Variants in SWAP70 observed in about 807,000 individuals in gnomAD.
SWAP70 encodes switching B cell complex subunit SWAP70, also known as switch-associated protein 70.
In SWAP70, 34 loss-of-function variants were observed where a neutral mutation model predicts 80.2. The observed-to-expected ratio is 0.42, with a 90% CI of 0.32 to 0.56. The LOEUF (loss-of-function observed/expected upper bound fraction) is 0.56. SWAP70 is among the 20% of genes least tolerant of loss of function. The probability of loss-of-function intolerance (pLI) is 0.09; values close to 1 mark genes in which losing one functional copy is unlikely to be tolerated. For missense variants in SWAP70, 578 were observed against 690.7 expected, an observed-to-expected ratio of 0.84 and a Z score of 1.83; for synonymous variants, 239 against 238.5, an observed-to-expected ratio of 1.00 and a Z score of -0.02.
chr11:9,668,125 G>A (rs1257491010), intron 1 of SWAP70, among the ~76,000 whole-genome samples: 1 of 152,168 alleles, frequency 6.6e-6, no homozygotes, highest in Non-Finnish European at 1.5e-5. Flanking sequence ...CTGACCTCAG[G>A]TGATCCACCC....
intron 3 of SWAP70, among the ~76,000 whole-genome samples, chr11:9,716,718 T>C (rs1851071035): frequency 6.6e-6 from 1 of 152,212 alleles, no homozygotes; most frequent in Non-Finnish European, 1.5e-5. Context: ...TTTGGGATTT[T>C]AGGTGGAACA....
At chr11:9,698,126 G>C (rs1387256861) in intron 2 of SWAP70, among the ~76,000 whole-genome samples, 2 of 123,888 alleles carry the variant, frequency 1.6e-5, no homozygotes, top group South Asian at 2.8e-4. Flanking sequence ...TTTGAGACCA[G>C]GTCTCGCTCT....
intron 1 of SWAP70, 122 bp downstream of exon 1, chr11:9,664,400 G>T: frequency 9.1e-7 from 1 of 1,094,426 alleles, no homozygotes; most frequent in South Asian, 1.6e-5. Flanking sequence ...AATGCGCCCG[G>T]TAGGCCCGCT....
At chr11:9,686,734 G>A (rs1042202062) in intron 1 of SWAP70, among the ~76,000 whole-genome samples, 3 of 152,196 alleles carry the variant, frequency 2.0e-5, no homozygotes, top group Non-Finnish European at 4.4e-5. Flanking sequence ...TAATGACTGT[G>A]AACTCTTTCA....
intron 3 of SWAP70, among the ~76,000 whole-genome samples, chr11:9,721,800 G>A (rs1209084911): frequency 6.6e-6 from 1 of 151,922 alleles, no homozygotes; most frequent in Non-Finnish European, 1.5e-5. Flanking sequence ...GTGATATTTT[G>A]TGAATATATA....
At chr11:9,685,448 G>A (rs936101060) in intron 1 of SWAP70, among the ~76,000 whole-genome samples, 1 of 152,098 alleles carries the variant, frequency 6.6e-6, no homozygotes, top group Non-Finnish European at 1.5e-5. Flanking sequence ...CAAGATGCTA[G>A]CAGATTGAGT....
At chr11:9,731,273 T>C (rs578236619) in intron 6 of SWAP70, among the ~76,000 whole-genome samples, 2 of 152,310 alleles carry the variant, frequency 1.3e-5, no homozygotes, top group African/African-American at 4.8e-5. Flanking sequence ...TATGTTATAT[T>C]GGAGAATGTA....
chr11:9,714,873 C>T (rs1376079896), intron 3 of SWAP70, among the ~76,000 whole-genome samples: 4 of 143,382 alleles, frequency 2.8e-5, no homozygotes, highest in South Asian at 2.2e-4. Flanking sequence ...AGTGCAATGG[C>T]GCAATCTCGG....
Position 9,732,513 on chromosome 11 carries a change from C to A in SWAP70, c.899-16C>A. ...AATATCTCCCCATTTTTTTTTTCCT[C>A]CTACACCTTTTACAGCCATTCATTC... On this transcript the variant is annotated splice_polypyrimidine_tract_variant and intron_variant, in intron 6 of 11. Transcript: ENST00000318950. 6.3e-7 allele frequency: 1 copy of A among 1,589,198 alleles called. No individual in the cohort carries two copies. Among genetic ancestry groups the A allele is most frequent in the South Asian group, 1.1e-5 (1 of 87,576 alleles).
rs373832108 is a variant in SWAP70, at chr11:9,749,960, C to G, written c.1748C>G (p.Thr583Ser). 3.1e-6 allele frequency: 5 copies of G among 1,612,278 alleles called. No individual in the cohort carries two copies. Among genetic ancestry groups the G allele is most frequent in the Non-Finnish European group, 4.2e-6 (5 of 1,178,424 alleles). ...GAGAAGAACTGGAAAGAGAAAAAGACCACGGAGTGACTGAGCTTGCTGGCA... is the reference window on the plus strand; with the variant it reads ...GAGAAGAACTGGAAAGAGAAAAAGAGCACGGAGTGACTGAGCTTGCTGGCA... Reference protein sequence around the residue: ...EREKNWKEKKTTE With the variant: ...EREKNWKEKKSTE Residue 583 changes from threonine (T) to serine (S), a missense_variant, in exon 12 of 12, where the codon ACC (threonine) becomes AGC (serine). Transcript: ENST00000318950.
At chr11:9,732,950 AAAT>A (rs1564832285) in intron 7 of SWAP70, among the ~76,000 whole-genome samples, 1 of 152,136 alleles carries the variant, frequency 6.6e-6, no homozygotes, top group Non-Finnish European at 1.5e-5. Flanking sequence ...GGAATATTTT[AAAT>A]AATAATGAGC....
intron 9 of SWAP70, among the ~76,000 whole-genome samples, chr11:9,743,064 AACAGGCCCCGGTGTGTGATGTTCCCCTT>A (rs1851463551): frequency 1.1e-5 from 1 of 87,848 alleles, no homozygotes; most frequent in South Asian, 4.7e-4. Flanking sequence ...CCCACCCCAC[AACAGGCCCCGGTGTGTGATGTTCCCCTT>A]CCTGTGTCCA....
intron 1 of SWAP70, among the ~76,000 whole-genome samples, chr11:9,674,510 G>A (rs1850462079): frequency 6.6e-6 from 1 of 151,794 alleles, no homozygotes; most frequent in South Asian, 2.1e-4. Flanking sequence ...AAACAGCCTG[G>A]AAAATATAGT....
Position 9,738,319 on chromosome 11 carries a change from T to C in SWAP70, c.1187T>C (p.Leu396Pro), listed in dbSNP as rs376945906. Residue 396 changes from leucine (L) to proline (P), a missense_variant and splice_region_variant, in exon 8 of 12, where the codon CTT becomes CCT. Physicochemically the swap from Leu to Pro is moderately conservative, Grantham distance 98 (BLOSUM62 -3). Transcript: ENST00000318950. ...RFSTELEREK[L>P]IRQQMEEQVA... The stretch of plus-strand genomic sequence containing the variant: ...AGCACAGAGCTGGAAAGAGAGAAGC[T>C]TGTGAGTATCACATGGCTGGAGAAA... 2 of 1,588,926 alleles carry C rather than the reference T, an allele frequency of 1.3e-6. No homozygotes were observed. Among genetic ancestry groups the C allele is most frequent in the Non-Finnish European group, 1.7e-6 (2 of 1,167,968 alleles).
At chr11:9,688,920 C>G (rs931716545) in intron 1 of SWAP70, among the ~76,000 whole-genome samples, 1 of 151,696 alleles carries the variant, frequency 6.6e-6, no homozygotes, top group African/African-American at 2.4e-5. Context: ...GGAAATTGGT[C>G]ATGCTGGTCC....
chr11:9,668,250 A>G (rs1456669542), intron 1 of SWAP70, among the ~76,000 whole-genome samples: 1 of 152,198 alleles, frequency 6.6e-6, no homozygotes, highest in Non-Finnish European at 1.5e-5. Flanking sequence ...GACGGCATAA[A>G]TGAGATTTTT....
At chr11:9,698,017 C>T (rs763821811) in intron 2 of SWAP70, among the ~76,000 whole-genome samples, 1 of 151,804 alleles carries the variant, frequency 6.6e-6, no homozygotes, top group Non-Finnish European at 1.5e-5. Flanking sequence ...AACTCCTGCC[C>T]TCATGCAATC....
intron 8 of SWAP70, among the ~76,000 whole-genome samples, chr11:9,739,126 G>T (rs1193040973): frequency 6.6e-6 from 1 of 152,182 alleles, no homozygotes; most frequent in African/African-American, 2.4e-5. Context: ...AGTCTGATTT[G>T]TTGCTCTTGG....
At position 9,752,002 on chromosome 11, in the gene SWAP70, C is replaced by T. The variant is rs1851596938; in HGVS notation, c.*2032C>T. The T allele has an allele frequency of 1.3e-5, 2 of 152,128 alleles. No homozygotes were observed. Among genetic ancestry groups the T allele is most frequent in the African/African-American group, 4.8e-5 (2 of 41,414 alleles). The allele number at this position is 152,128 out of a possible 1,614,324, so 9.4% of individuals were successfully genotyped here. On this transcript the variant is annotated 3_prime_UTR_variant, in exon 12 of 12. Transcript: ENST00000318950. ...ACTTAGGTAAGGAATGGAACCTTTC[C>T]TGTGGTTTGACTGCACATTACACCA...
Sources: allele counts gnomAD v4.1 joint callset (sites outside exome capture counted in the v4.1 genomes callset), GRCh38; gene constraint gnomAD v4.1.1; transcripts MANE v1.5; gene names NCBI Gene and HGNC (gene_info 2026-07-23, HGNC 2026-07-21).